ZNF195: variants seen among roughly 807,000 people sequenced by gnomAD.
ZNF195 encodes the protein zinc finger protein 195.
In ZNF195, 11 loss-of-function variants were observed where a neutral mutation model predicts 19.5. That is an observed-to-expected ratio of 0.57 (90% CI 0.36 to 0.94). ZNF195 has a LOEUF of 0.94. ZNF195 is among the 40% of genes least tolerant of loss of function. ZNF195 has a pLI of 0.01. For missense variants in ZNF195, 582 were observed against 709.0 expected, an observed-to-expected ratio of 0.82 and a Z score of 2.03; for synonymous variants, 214 against 248.1, an observed-to-expected ratio of 0.86 and a Z score of 1.29.
chr11:3,359,877 A>G lies in ZNF195; in HGVS notation c.1131T>C (p.Ala377=). Residue 377 remains alanine (A), a synonymous_variant, in exon 6 of 6, where the codon GCT becomes GCC. Transcript: ENST00000399602. This position sits in a 1 kb window ranked among gnomAD's most constrained non-coding sequence, Gnocchi z 5.5. ...TTTCACATTTGGAGAGCTTCTCTCC[A>G]GCAAGAATCATCTGTTGATTAGAAA... ...SSLSNQQMIL[A]GEKLSKCETW... The G allele has an allele frequency of 4.3e-6, 7 of 1,614,224 alleles. No individual in the cohort carries two copies. The highest frequency in any genetic ancestry group is 5.1e-6 in the Non-Finnish European group (6 of 1,180,048).
At chr11:3,373,676 C>T in intron 1 of ZNF195, 1 of 1,535,556 alleles carries the variant, frequency 6.5e-7, no homozygotes, top group Non-Finnish European at 8.8e-7. Context: ...GAGAATATGC[C>T]TTTAAAGGTG....
At chr11:3,363,155 G>A (rs1349394993) in intron 3 of ZNF195, among the ~76,000 whole-genome samples, 1 of 152,148 alleles carries the variant, frequency 6.6e-6, no homozygotes, top group Non-Finnish European at 1.5e-5. Flanking sequence ...AATTTTGCAA[G>A]TTCTTTATAA....
At chr11:3,371,427 T>TG in intron 2 of ZNF195, 150 bp downstream of exon 2, 2 of 1,062,586 alleles carry the variant, frequency 1.9e-6, no homozygotes, top group Non-Finnish European at 2.6e-6. Context: ...ATTTTTTTTT[T>TG]TTTTACATCA....
chr11:3,357,936 C>T lies in ZNF195; in HGVS notation c.*1182G>A, dbSNP rs918734315. Reference sequence around the variant, plus strand: ...ATGAAGAGACCCAAAGTCAGGCAAGCAAGCTTTATTGAGCTGCTTGGCTGC... The same window carrying T: ...ATGAAGAGACCCAAAGTCAGGCAAGTAAGCTTTATTGAGCTGCTTGGCTGC... On this transcript the variant is annotated 3_prime_UTR_variant, in exon 6 of 6. Transcript: ENST00000399602. 6.6e-6 allele frequency: 1 copy of T among 152,132 alleles called. No homozygotes were observed. Among genetic ancestry groups the T allele is most frequent in the Non-Finnish European group, 1.5e-5 (1 of 68,054 alleles). The allele number at this position is 152,132 out of a possible 1,614,324, so 9.4% of individuals were successfully genotyped here.
chr11:3,368,482 G>A (rs1010459539), intron 3 of ZNF195, among the ~76,000 whole-genome samples: 4 of 152,100 alleles, frequency 2.6e-5, no homozygotes, highest in Non-Finnish European at 4.4e-5. Context: ...CCAGGGAGGG[G>A]GTTGTAAAAT....
chr11:3,376,200 A>G (rs567650620), intron 1 of ZNF195, among the ~76,000 whole-genome samples: 89 of 151,902 alleles, frequency 5.9e-4, no homozygotes, highest in African/African-American at 2.1e-3. Context: ...GGCTCCTTCC[A>G]TGGTTGCTGT....
intron 4 of ZNF195, 66 bp from the exon 5 acceptor site, chr11:3,360,854 A>G: frequency 7.1e-7 from 1 of 1,406,750 alleles, no homozygotes; most frequent in Non-Finnish European, 9.7e-7. Context: ...GCTCCTCCGC[A>G]GTATAGCATC....
intron 1 of ZNF195, among the ~76,000 whole-genome samples, chr11:3,374,919 A>G (rs1181158626): frequency 6.6e-6 from 1 of 152,222 alleles, no homozygotes; most frequent in Non-Finnish European, 1.5e-5. Context: ...TGGTGTTAGT[A>G]AAAAAGAAAA....
rs1311830027 is a variant in ZNF195 at position 3,359,021 on chromosome 11, A to G, written c.*97T>C. ...TGAAAGGTCTTTCAATAGTAATTAC[A>G]TTTATGATAACTTTATTAAGTCTGA... is the stretch of plus-strand genomic sequence containing the variant. On this transcript the variant is annotated 3_prime_UTR_variant, in exon 6 of 6. Coordinates refer to ENST00000399602, the MANE Select transcript of ZNF195 (RefSeq NM_001130520.3). This position sits in a 1 kb window ranked among gnomAD's most constrained non-coding sequence, Gnocchi z 5.5. The G allele has an allele frequency of 3.6e-6, 5 of 1,372,666 alleles. No individual in the cohort carries two copies. In the East Asian group the frequency reaches 1.2e-4, roughly 34 times the overall value. The allele number at this position is 1,372,666 out of a possible 1,614,324, so 85.0% of individuals were successfully genotyped here.
intron 1 of ZNF195, chr11:3,373,706 T>G: frequency 7.4e-7 from 1 of 1,348,042 alleles, no homozygotes. Context: ...CCCCTTCACC[T>G]GCTACCACCA....
intron 2 of ZNF195, 83 bp from the exon 3 acceptor site, chr11:3,371,153 T>G: frequency 2.4e-6 from 3 of 1,267,126 alleles, no homozygotes; most frequent in Non-Finnish European, 2.2e-6. Flanking sequence ...AGAGTGAACA[T>G]TATATAAGAT....
chr11:3,366,263 CAAAAAAAA>C (rs35338297), intron 3 of ZNF195, among the ~76,000 whole-genome samples: 1 of 88,992 alleles, frequency 1.1e-5, no homozygotes, highest in South Asian at 4.8e-4. Context: ...GACTCCATCT[CAAAAAAAA>C]AAAAAAAAAA....
chr11:3,358,950 T>G lies in ZNF195; in HGVS notation c.*168A>C. 1.0e-6 allele frequency: 1 copy of G among 956,684 alleles called. No homozygotes were observed. Among genetic ancestry groups the G allele is most frequent in the Non-Finnish European group, 1.4e-6 (1 of 723,390 alleles). 59.3% of individuals were successfully genotyped at this position (956,684 alleles called of 1,614,324 possible). A position where few individuals can be genotyped will look rare whatever the true frequency, so the allele number is the denominator to read the frequency against. ...TTCCATCTAGTATAATTGTAACATT[T>G]TTTTCAGAAGAAATACTCTTGTGTG... On this transcript the variant is annotated 3_prime_UTR_variant, in exon 6 of 6. Transcript: ENST00000399602.
At chr11:3,368,761 C>G in intron 3 of ZNF195, 1 of 448,500 alleles carries the variant, frequency 2.2e-6, no homozygotes, top group South Asian at 1.6e-5. Flanking sequence ...AACAGAGAGC[C>G]CAGAATTAAA....
At chr11:3,362,388 A>T (rs1848676366) in intron 3 of ZNF195, 1 of 316,282 alleles carries the variant, frequency 3.2e-6, no homozygotes, top group Admixed American at 4.7e-5. Context: ...TATTATCTAA[A>T]ATTTGAAAGA....
intron 3 of ZNF195, among the ~76,000 whole-genome samples, chr11:3,370,598 C>A (rs985044458): frequency 1.3e-5 from 2 of 152,206 alleles, no homozygotes; most frequent in Non-Finnish European, 2.9e-5. Context: ...GCCTCTCGCA[C>A]ACTTCAGACA....
chr11:3,360,073 C>G lies in ZNF195; in HGVS notation c.935G>C (p.Cys312Ser), dbSNP rs780347488. ...CQECNNVIKT[C>S]SVLTKNRIYA... Reference sequence around the variant, plus strand: ...AATTCTATTTTTAGTAAGGACTGAGCAAGTTTTAATGACGTTGTTACATTC... The same window carrying G: ...AATTCTATTTTTAGTAAGGACTGAGGAAGTTTTAATGACGTTGTTACATTC... The change falls in exon 6 of 6, where the codon TGC becomes TCC. Residue 312 changes from cysteine to serine, a missense_variant. By Grantham distance (112) the Cys-to-Ser change is moderately radical. Around this residue, in one of 3 missense-constraint regions of ZNF195, gnomAD observed 407 missense variants for 530.5 expected, o/e 0.77. Coordinates refer to ENST00000399602, the MANE Select transcript of ZNF195 (RefSeq NM_001130520.3). 69 of 1,614,100 alleles carry G rather than the reference C, an allele frequency of 4.3e-5. 1 individual carries two copies. In the South Asian group the frequency reaches 7.1e-4, roughly 17 times the overall value.
intron 3 of ZNF195, among the ~76,000 whole-genome samples, chr11:3,362,337 T>A (rs1848674360): frequency 6.6e-6 from 1 of 152,094 alleles, no homozygotes; most frequent in Non-Finnish European, 1.5e-5. Flanking sequence ...AAAAATAAAA[T>A]TCTGTGGTAC....
intron 1 of ZNF195, among the ~76,000 whole-genome samples, chr11:3,377,268 A>G (rs1849511339): frequency 6.6e-6 from 1 of 152,226 alleles, no homozygotes; most frequent in Non-Finnish European, 1.5e-5. Context: ...ACACAGACAC[A>G]GCTAATGACT....
Sources: gnomAD v4.1 joint callset for allele counts (sites outside exome capture counted in the v4.1 genomes callset) on GRCh38, gnomAD v4.1.1 for gene constraint, gnomAD v4.1.1 regional missense constraint, Gnocchi (gnomAD v3.1) non-coding constraint, MANE v1.5 for transcripts, NCBI Gene and HGNC (gene_info 2026-07-23, HGNC 2026-07-21) for gene names.